GALNT9: variants seen among roughly 807,000 people sequenced by gnomAD.
The protein encoded by GALNT9 is polypeptide N-acetylgalactosaminyltransferase 9.
In GALNT9, 47 loss-of-function variants were observed where a neutral mutation model predicts 63.1. The observed-to-expected ratio is 0.75, with a 90% CI of 0.59 to 0.95. GALNT9 has a LOEUF of 0.95. GALNT9 is among the 40% of genes least tolerant of loss of function. The pLI is 0.00. For missense variants in GALNT9, 829 were observed against 874.8 expected (o/e 0.95, Z 0.66); for synonymous variants, 396 against 365.7 (o/e 1.08, Z -0.94).
intron 3 of GALNT9, 102 bp downstream of exon 3, chr12:132,262,357 A>G (rs2135545220): frequency 1.4e-6 from 2 of 1,402,822 alleles, no homozygotes; most frequent in African/African-American, 1.4e-5. Context: ...GATGGGGTGC[A>G]GTCCTCTGTC....
chr12:132,288,516 T>G (rs548323500), intron 1 of GALNT9, among the ~76,000 whole-genome samples: 1 of 152,338 alleles, frequency 6.6e-6, no homozygotes, highest in African/African-American at 2.4e-5. Context: ...AGCTTCTAAC[T>G]CGAGAGAGAG....
At chr12:132,301,119 G>T (rs1157247930) in intron 1 of GALNT9, among the ~76,000 whole-genome samples, 2 of 152,232 alleles carry the variant, frequency 1.3e-5, no homozygotes, top group African/African-American at 4.8e-5. Context: ...CTGAAGTTTG[G>T]GCCCATGGCC....
rs2136894623 is a variant in GALNT9, at chr12:132,236,326, G to C, written c.1077+11584C>G. Among the ~76,000 whole-genome samples, 1 of 151,770 alleles carries C rather than the reference G, an allele frequency of 6.6e-6. No individual in the cohort carries two copies. Among genetic ancestry groups the C allele is most frequent in the Non-Finnish European group, 1.5e-5 (1 of 67,900 alleles). On this transcript the variant is annotated intron_variant, in intron 6 of 10. Transcript: ENST00000328957. This position sits in a 1 kb window ranked among gnomAD's most constrained non-coding sequence, Gnocchi z 5.6. ...GGGGTCGCGGTGGGCCTGGGTCGGG[G>C]CCAAGGGAGCCACATCCAGTGTGGG...
At chr12:132,259,192 G>T (rs373245115) in intron 4 of GALNT9, among the ~76,000 whole-genome samples, 1 of 152,342 alleles carries the variant, frequency 6.6e-6, no homozygotes, top group African/African-American at 2.4e-5. Context: ...TTACGGGAGG[G>T]GGTGCTATTT....
At chr12:132,268,192 C>T (rs1879726645) in intron 2 of GALNT9, among the ~76,000 whole-genome samples, 1 of 151,984 alleles carries the variant, frequency 6.6e-6, no homozygotes, top group African/African-American at 2.4e-5. Context: ...TGTACTCACA[C>T]ACATGCACTC....
intron 6 of GALNT9, among the ~76,000 whole-genome samples, chr12:132,222,654 C>G (rs1423035714): frequency 1.3e-5 from 2 of 151,930 alleles, no homozygotes; most frequent in African/African-American, 2.4e-5. Context: ...GGAGGAAACA[C>G]AGAGACGCCG....
intron 8 of GALNT9, 196 bp downstream of exon 8, chr12:132,200,927 GC>G: frequency 1.7e-6 from 1 of 582,866 alleles, no homozygotes; most frequent in Non-Finnish European, 3.0e-6. Context: ...ACGTGGATGT[GC>G]CTGCATCACC....
At chr12:132,201,751 A>AC (rs201590713) in intron 7 of GALNT9, among the ~76,000 whole-genome samples, 5,864 of 149,018 alleles carry the variant, frequency 0.039, 149 homozygotes, top group South Asian at 0.074. Flanking sequence ...AGTCCTTGGG[A>AC]CCCCCCGCGG....
At chr12:132,269,326 C>T (rs1255297126) in intron 2 of GALNT9, among the ~76,000 whole-genome samples, 1 of 152,238 alleles carries the variant, frequency 6.6e-6, no homozygotes, top group Admixed American at 6.5e-5. Flanking sequence ...CCATGCCCCC[C>T]GCGGGAGAAG....
chr12:132,259,186 G>A (rs1229811229), intron 4 of GALNT9, among the ~76,000 whole-genome samples: 2 of 152,238 alleles, frequency 1.3e-5, no homozygotes, highest in Non-Finnish European at 2.9e-5. Flanking sequence ...AGACAGTTAC[G>A]GGAGGGGGTG....
chr12:132,201,026 G>C (rs1380856657), intron 8 of GALNT9, 98 bp downstream of exon 8: 2 of 1,200,442 alleles, frequency 1.7e-6, no homozygotes, highest in African/African-American at 3.0e-5. Context: ...CTCTCCGTGT[G>C]CATGTGGATG....
intron 10 of GALNT9, 93 bp downstream of exon 10, chr12:132,197,699 C>A: frequency 1.0e-6 from 1 of 980,678 alleles, no homozygotes; most frequent in East Asian, 2.6e-5. Context: ...CCAGCTCCCA[C>A]CCAATGGGCT....
At chr12:132,217,187 C>CTCATCCATCCATCCATCCCTGCAT in intron 6 of GALNT9, among the ~76,000 whole-genome samples, 1 of 152,038 alleles carries the variant, frequency 6.6e-6, no homozygotes, top group Non-Finnish European at 1.5e-5. Context: ...TCCACGCGGA[C>CTCATCCATCCATCCATCCCTGCAT]TCATCCATCC....
Position 132,203,753 on chromosome 12 carries a change from T to TAGGGGCCCGTGAGAGGCCA in GALNT9, c.1078-82_1078-64dup, listed in dbSNP as rs1322785978. On this transcript the variant is annotated intron_variant, in intron 6 of 10. Coordinates refer to ENST00000328957, the MANE Select transcript of GALNT9 (RefSeq NM_001122636.2). The stretch of plus-strand genomic sequence containing the variant: ...AACGGAAGCGGGCAGCCCGGCCAGC[T>TAGGGGCCCGTGAGAGGCCA]AGGGGCCCGTGAGAGGCCAAGGGGC... 5.2e-6 allele frequency: 8 copies of TAGGGGCCCGTGAGAGGCCA among 1,544,402 alleles called. No individual in the cohort carries two copies. In the South Asian group the frequency reaches 7.4e-5, roughly 14 times the overall value.
At chr12:132,227,914 T>G (rs1417227205) in intron 6 of GALNT9, among the ~76,000 whole-genome samples, 2 of 152,152 alleles carry the variant, frequency 1.3e-5, no homozygotes, top group African/African-American at 4.8e-5. Flanking sequence ...CTTCTTGCTC[T>G]GAGCCTCGGT....
intron 1 of GALNT9, among the ~76,000 whole-genome samples, chr12:132,289,920 T>C (rs73168821): frequency 0.026 from 3,941 of 152,148 alleles, 173 homozygotes; most frequent in African/African-American, 0.09. Flanking sequence ...AGCTCAGGGG[T>C]CCTGAGCCCA....
chr12:132,217,662 C>G (rs1306423517), intron 6 of GALNT9, among the ~76,000 whole-genome samples: 7 of 150,406 alleles, frequency 4.7e-5, no homozygotes, highest in South Asian at 2.2e-4. Flanking sequence ...TCCATCCATT[C>G]CTTTATCCAT....
intron 1 of GALNT9, among the ~76,000 whole-genome samples, chr12:132,324,023 G>A (rs987374163): frequency 2.0e-5 from 3 of 152,222 alleles, no homozygotes; most frequent in Non-Finnish European, 4.4e-5. Context: ...ATGAACTCAA[G>A]CTGGAAAGGC....
At chr12:132,295,370 T>A (rs1593110788) in intron 1 of GALNT9, among the ~76,000 whole-genome samples, 1 of 152,218 alleles carries the variant, frequency 6.6e-6, no homozygotes, top group Admixed American at 6.5e-5. Context: ...TGCAGACTGT[T>A]GTGGGTTGAA....
Sources: gnomAD v4.1 joint callset for allele counts (sites outside exome capture counted in the v4.1 genomes callset) on GRCh38, gnomAD v4.1.1 for gene constraint, Gnocchi (gnomAD v3.1) non-coding constraint, MANE v1.5 for transcripts, NCBI Gene and HGNC (gene_info 2026-07-23, HGNC 2026-07-21) for gene names.